The following BPI variants were observed in gnomAD, a reference collection of about 807,000 sequenced individuals.
BPI encodes the protein bactericidal permeability-increasing protein.
BPI carries 48 observed loss-of-function variants against 57.6 expected under a neutral mutation model. The observed-to-expected ratio is 0.83, with a 90% confidence interval of 0.66 to 1.06. The LOEUF (loss-of-function observed/expected upper bound fraction) is 1.06, where lower values mean the gene tolerates loss of function less well. Ranked by LOEUF, BPI falls within the 50% of genes least tolerant of loss-of-function variation. The pLI, the probability that BPI is intolerant of heterozygous loss-of-function variation, is 0.00. For synonymous variants in BPI, 237 were observed against 238.2 expected, an observed-to-expected ratio of 0.99 and a Z score of 0.05; for missense variants, 651 against 609.7, an observed-to-expected ratio of 1.07 and a Z score of -0.71.
intron 5 of BPI, among the ~76,000 whole-genome samples, chr20:38,317,013 G>A (rs1267703822): frequency 2.0e-5 from 3 of 152,108 alleles, no homozygotes; most frequent in Non-Finnish European, 2.9e-5. Flanking sequence ...GGAAGAAAGT[G>A]GAAGGCCTTG....
At chr20:38,334,527 T>C (rs1260181459) in intron 13 of BPI, 34 bp downstream of exon 13, 1 of 1,595,460 alleles carries the variant, frequency 6.3e-7, no homozygotes, top group Non-Finnish European at 8.6e-7. Context: ...TCATTTTCAG[T>C]CATGGGGGAA....
intron 3 of BPI, among the ~76,000 whole-genome samples, chr20:38,309,554 G>T (rs1301383095): frequency 6.6e-6 from 1 of 152,120 alleles, no homozygotes; most frequent in Non-Finnish European, 1.5e-5. Context: ...GGGAAAGCAG[G>T]AACACACAGG....
At chr20:38,311,779 G>T in intron 4 of BPI, 95 bp from the exon 5 acceptor site, 1 of 1,276,628 alleles carries the variant, frequency 7.8e-7, no homozygotes, top group East Asian at 2.3e-5. Flanking sequence ...CCTGTTTCTA[G>T]GAGGGAAGAA....
At position 38,307,766 on chromosome 20, in the gene BPI, C is replaced by T. The variant is rs112277520; in HGVS notation, c.245+85C>T. 1.6e-3 allele frequency: 1,708 copies of T among 1,098,120 alleles called. 8 individuals are homozygous for T. The highest frequency in any genetic ancestry group is 4.9e-3 in the Middle Eastern group (23 of 4,708). The allele number at this position is 1,098,120 out of a possible 1,614,324, so 68.0% of individuals were successfully genotyped here. ...AAGAGCTAGAATGCAGAGCCACAAA[C>T]TCCTCAACTCACAGAGTTTCATATC... is the stretch of plus-strand genomic sequence containing the variant. On this transcript the variant is annotated intron_variant, in intron 2 of 14. Transcript: ENST00000642449.
intron 5 of BPI, among the ~76,000 whole-genome samples, chr20:38,316,226 C>T (rs1030280538): frequency 4.7e-5 from 7 of 149,846 alleles, no homozygotes; most frequent in Middle Eastern, 3.2e-3. Flanking sequence ...CCCTCCTTCC[C>T]CTTTTCTTCC....
At chr20:38,335,477 C>A in intron 13 of BPI, 121 bp from the exon 14 acceptor site, 1 of 868,610 alleles carries the variant, frequency 1.2e-6, no homozygotes, top group Non-Finnish European at 1.9e-6. Context: ...CCATGCCAGT[C>A]CCTACCTAGG....
At chr20:38,319,648 T>A (rs2076671073) in intron 6 of BPI, 2 of 152,336 alleles carry the variant, frequency 1.3e-5, no homozygotes, top group African/African-American at 4.8e-5. Flanking sequence ...GGATATTTAT[T>A]TAATTCTCAT....
intron 3 of BPI, among the ~76,000 whole-genome samples, chr20:38,309,999 A>C (rs947788259): frequency 6.6e-6 from 1 of 152,194 alleles, no homozygotes; most frequent in Non-Finnish European, 1.5e-5. Context: ...TAATGATCAC[A>C]CACAAAAACA....
chr20:38,335,285 C>A lies in BPI; in HGVS notation c.1337-313C>A, dbSNP rs34429758. Among the ~76,000 whole-genome samples, 1,347 of 152,252 alleles carry A rather than the reference C, an allele frequency of 8.8e-3. 21 individuals carry two copies. The highest frequency in any genetic ancestry group is 0.031 in the African/African-American group (1,283 of 41,536). On this transcript the variant is annotated intron_variant, in intron 13 of 14. Transcript: ENST00000642449. Reference sequence around the variant, plus strand: ...GCATAAATACCCCTATTACACACCACGCTCTAGTCACACCATTGCAAGCAG... The same window carrying A: ...GCATAAATACCCCTATTACACACCAAGCTCTAGTCACACCATTGCAAGCAG...
chr20:38,334,049 C>T (rs948251514), intron 12 of BPI, among the ~76,000 whole-genome samples: 2 of 152,022 alleles, frequency 1.3e-5, no homozygotes, highest in African/African-American at 2.4e-5. Flanking sequence ...GCCAAATAGC[C>T]GTCAAAGAGG....
chr20:38,327,098 G>T (rs548795360), intron 10 of BPI, among the ~76,000 whole-genome samples: 34 of 152,292 alleles, frequency 2.2e-4, no homozygotes, highest in East Asian at 7.7e-4. Context: ...GCCACTGAGG[G>T]TGTGGTTCAG....
intron 14 of BPI, among the ~76,000 whole-genome samples, chr20:38,336,704 C>T (rs1034490054): frequency 1.3e-5 from 2 of 152,092 alleles, no homozygotes; most frequent in Admixed American, 6.5e-5. Flanking sequence ...GAAACACATA[C>T]CGCATATTCC....
At chr20:38,326,577 C>G in intron 10 of BPI, 145 bp downstream of exon 10, 1 of 1,008,842 alleles carries the variant, frequency 9.9e-7, no homozygotes, top group East Asian at 2.9e-5. Flanking sequence ...TCACTGTACT[C>G]AATGGTGCCG....
At chr20:38,320,301 C>T in intron 7 of BPI, 27 bp downstream of exon 7, 1 of 1,598,498 alleles carries the variant, frequency 6.3e-7, no homozygotes, top group East Asian at 2.2e-5. Context: ...GAATCATACA[C>T]CCTCACACCT....
chr20:38,331,155 C>T (rs1429615938), intron 12 of BPI, 65 bp downstream of exon 12: 17 of 1,548,696 alleles, frequency 1.1e-5, no homozygotes, highest in Middle Eastern at 1.7e-4. Flanking sequence ...GGGGACATGT[C>T]ATAGGCTCAA....
At chr20:38,323,142 A>G (rs2076695212) in intron 7 of BPI, among the ~76,000 whole-genome samples, 1 of 152,150 alleles carries the variant, frequency 6.6e-6, no homozygotes, top group African/African-American at 2.4e-5. Flanking sequence ...CCCCCACCCC[A>G]GAACCATGTT....
chr20:38,321,391 G>A (rs546185103), intron 7 of BPI, among the ~76,000 whole-genome samples: 1 of 152,128 alleles, frequency 6.6e-6, no homozygotes, highest in South Asian at 2.1e-4. Context: ...TCCTCAAATA[G>A]GTTAAGCTTC....
chr20:38,328,017 C>G (rs1037003390), intron 11 of BPI, among the ~76,000 whole-genome samples: 10 of 152,172 alleles, frequency 6.6e-5, no homozygotes. Context: ...GCAGCCACTG[C>G]ACGTCCCTGG....
chr20:38,323,240 T>C (rs1371610184), intron 7 of BPI, among the ~76,000 whole-genome samples: 11 of 152,332 alleles, frequency 7.2e-5, no homozygotes, highest in Admixed American at 3.3e-4. Context: ...CTACCATATG[T>C]ATCCATCTAT....
Sources: gnomAD v4.1 joint callset for allele counts (sites outside exome capture counted in the v4.1 genomes callset) on GRCh38, gnomAD v4.1.1 for gene constraint, MANE v1.5 for transcripts, NCBI Gene and HGNC (gene_info 2026-07-23, HGNC 2026-07-21) for gene names.